NSMCE2: variants seen among roughly 807,000 people sequenced by gnomAD.
The protein encoded by NSMCE2 is NSE2 SUMO ligase component of SMC5/6 complex.
NSMCE2 carries 24 observed loss-of-function variants against 23.8 expected under a neutral mutation model. The ratio of observed to expected loss-of-function variants is 1.01; its 90% CI spans 0.73 to 1.42. The LOEUF (loss-of-function observed/expected upper bound fraction) is 1.42, where lower values mean the gene tolerates loss of function less well. Ranked by LOEUF, NSMCE2 falls within the 40% of genes most tolerant of loss-of-function variation. The pLI is 0.00. For missense variants in NSMCE2, 284 were observed against 296.5 expected, an observed-to-expected ratio of 0.96 and a Z score of 0.31; for synonymous variants, 92 against 94.1, an observed-to-expected ratio of 0.98 and a Z score of 0.13.
At chr8:125,341,009 T>C (rs574627732) in intron 5 of NSMCE2, among the ~76,000 whole-genome samples, 3 of 152,348 alleles carry the variant, frequency 2.0e-5, no homozygotes, top group Non-Finnish European at 4.4e-5. Context: ...GTTCCCTCAC[T>C]GGGCATGTGG....
intron 5 of NSMCE2, among the ~76,000 whole-genome samples, chr8:125,221,746 A>G (rs1824868833): frequency 6.6e-6 from 1 of 152,228 alleles, no homozygotes; most frequent in African/African-American, 2.4e-5. Flanking sequence ...GTAATTTTAT[A>G]CAATGTTTTT....
intron 3 of NSMCE2, among the ~76,000 whole-genome samples, chr8:125,144,545 A>G (rs1192576329): frequency 6.6e-6 from 1 of 152,202 alleles, no homozygotes; most frequent in Non-Finnish European, 1.5e-5. Flanking sequence ...TAAGGACCGT[A>G]TTGCTACAGG....
At chr8:125,288,382 G>A (rs1329735203) in intron 5 of NSMCE2, among the ~76,000 whole-genome samples, 1 of 152,118 alleles carries the variant, frequency 6.6e-6, no homozygotes, top group Non-Finnish European at 1.5e-5. Context: ...ATCATACACT[G>A]AAATAGAAAA....
At chr8:125,193,487 A>G (rs559972975) in intron 5 of NSMCE2, among the ~76,000 whole-genome samples, 1 of 152,296 alleles carries the variant, frequency 6.6e-6, no homozygotes, top group South Asian at 2.1e-4. Flanking sequence ...TAGAATAAAC[A>G]CTGCTGGTTG....
At chr8:125,131,395 C>T (rs1819763929) in intron 3 of NSMCE2, among the ~76,000 whole-genome samples, 1 of 152,142 alleles carries the variant, frequency 6.6e-6, no homozygotes, top group Non-Finnish European at 1.5e-5. Context: ...AGATGTTCTG[C>T]TTTCCGAAGT....
At chr8:125,186,153 G>A (rs1265880737) in intron 5 of NSMCE2, among the ~76,000 whole-genome samples, 1 of 152,172 alleles carries the variant, frequency 6.6e-6, no homozygotes, top group Non-Finnish European at 1.5e-5. Context: ...AATATTTGGT[G>A]ACTTGTGAAA....
At chr8:125,180,283 C>A (rs1460966956) in intron 4 of NSMCE2, among the ~76,000 whole-genome samples, 1 of 152,090 alleles carries the variant, frequency 6.6e-6, no homozygotes, top group African/African-American at 2.4e-5. Flanking sequence ...CTGTTAAATC[C>A]TTAATTACAT....
intron 5 of NSMCE2, among the ~76,000 whole-genome samples, chr8:125,270,430 A>G (rs559308060): frequency 1.2e-4 from 19 of 152,322 alleles, no homozygotes; most frequent in Admixed American, 1.2e-3. Flanking sequence ...GCACCACTGC[A>G]CTCTGGCCTG....
intron 3 of NSMCE2, among the ~76,000 whole-genome samples, chr8:125,136,083 C>A (rs994421602): frequency 2.6e-5 from 4 of 152,280 alleles, no homozygotes; most frequent in Middle Eastern, 3.4e-3. Context: ...TGTCCAGTAT[C>A]TTATAAACCT....
intron 5 of NSMCE2, among the ~76,000 whole-genome samples, chr8:125,213,310 A>G (rs1824426206): frequency 6.6e-6 from 1 of 152,172 alleles, no homozygotes; most frequent in Non-Finnish European, 1.5e-5. Flanking sequence ...GAAACTAGTC[A>G]CATTATTAAT....
At chr8:125,098,237 C>A (rs763261195) in intron 1 of NSMCE2, among the ~76,000 whole-genome samples, 8 of 152,088 alleles carry the variant, frequency 5.3e-5, no homozygotes, top group Non-Finnish European at 1.0e-4. Flanking sequence ...TACATGTCTC[C>A]TAGATATATC....
chr8:125,101,773 T>C (rs1818201334), intron 1 of NSMCE2, among the ~76,000 whole-genome samples: 1 of 152,222 alleles, frequency 6.6e-6, no homozygotes, highest in South Asian at 2.1e-4. Context: ...AATTCTGCTT[T>C]CACTGACTCT....
At chr8:125,366,385 C>G (rs543532886) in intron 7 of NSMCE2, among the ~76,000 whole-genome samples, 1 of 152,020 alleles carries the variant, frequency 6.6e-6, no homozygotes, top group African/African-American at 2.4e-5. Flanking sequence ...TTAAAAATAC[C>G]AAAAATTAGC....
chr8:125,130,551 C>G (rs1350496823), intron 3 of NSMCE2, among the ~76,000 whole-genome samples: 4 of 152,024 alleles, frequency 2.6e-5, no homozygotes, highest in Admixed American at 2.6e-4. Flanking sequence ...TTCCAAGGGC[C>G]CTGGTTCTTT....
chr8:125,141,203 A>G (rs926287183), intron 3 of NSMCE2, among the ~76,000 whole-genome samples: 1 of 152,228 alleles, frequency 6.6e-6, no homozygotes, highest in Non-Finnish European at 1.5e-5. Context: ...CTGTCTATAT[A>G]ATCAAAGATG....
intron 5 of NSMCE2, chr8:125,348,884 G>A (rs1410543976): frequency 6.6e-6 from 1 of 152,038 alleles, no homozygotes; most frequent in Non-Finnish European, 1.5e-5. Flanking sequence ...TCAGCTTCCT[G>A]CAGAAGGGAA....
At position 125,256,922 on chromosome 8, in the gene NSMCE2, CAAAAAAAAAAAAAAAAAAAAA is replaced by C. The variant is rs60308659; in HGVS notation, c.418+74683_418+74703del. On this transcript the variant is annotated intron_variant, in intron 5 of 7. Transcript: ENST00000287437. ...TGGGCGACAAAGCAAGACTCTGTGT[CAAAAAAAAAAAAAAAAAAAAA>C]AAAAAAAAAAAAAAAAGAGGGCTGA... Among the ~76,000 whole-genome samples the C allele has an allele frequency of 6.5e-3, 169 of 26,072 alleles. 6 individuals are homozygous for C. In the East Asian group the frequency reaches 0.11, roughly 18 times the overall value. The allele number at this position is 26,072 out of a possible 152,430, so 17.1% of individuals were successfully genotyped here. A position where few individuals can be genotyped will look rare whatever the true frequency, so the allele number is the denominator to read the frequency against.
intron 5 of NSMCE2, among the ~76,000 whole-genome samples, chr8:125,215,034 T>G (rs1223721437): frequency 9.3e-6 from 1 of 107,866 alleles, no homozygotes; most frequent in African/African-American, 8.5e-5. Flanking sequence ...TTATTTTATT[T>G]TATTTTATTT....
chr8:125,194,598 A>C (rs1823518966), intron 5 of NSMCE2, among the ~76,000 whole-genome samples: 2 of 152,202 alleles, frequency 1.3e-5, no homozygotes, highest in Non-Finnish European at 1.5e-5. Flanking sequence ...ATTTCTATTG[A>C]GTAAATATCC....
Sources: gnomAD v4.1 joint callset for allele counts (sites outside exome capture counted in the v4.1 genomes callset) on GRCh38, gnomAD v4.1.1 for gene constraint, MANE v1.5 for transcripts, NCBI Gene and HGNC (gene_info 2026-07-23, HGNC 2026-07-21) for gene names.